GGA2: variants seen among roughly 807,000 people sequenced by gnomAD.
The protein encoded by GGA2 is golgi associated, gamma adaptin ear containing, ARF binding protein 2, also known as ADP-ribosylation factor-binding protein GGA2.
Under a neutral mutation model 79.5 loss-of-function variants are expected in GGA2, and 48 were observed. The ratio of observed to expected loss-of-function variants is 0.60; its 90% CI spans 0.48 to 0.77. The LOEUF is 0.77. Ranked by LOEUF, GGA2 falls within the 30% of genes least tolerant of loss-of-function variation. The pLI is 0.00. For missense variants in GGA2, 770 were observed against 774.0 expected (o/e 0.99, Z 0.06); for synonymous variants, 317 against 302.0 (o/e 1.05, Z -0.51).
At position 23,496,684 on chromosome 16, in the gene GGA2, C is replaced by G. The variant is rs369477294; in HGVS notation, c.92-906G>C. Among the ~76,000 whole-genome samples the G allele has an allele frequency of 1.1e-4, 16 of 151,974 alleles. No individual in the cohort carries two copies. In the East Asian group the frequency reaches 2.9e-3, roughly 28 times the overall value. ...AATTTTAAAAAATTAAGACCAGGCG[C>G]GATGGCTCACGCCTGTAATCCCAGC... On this transcript the variant is annotated intron_variant, in intron 1 of 16. Coordinates refer to ENST00000309859, the MANE Select transcript of GGA2 (RefSeq NM_015044.4).
At chr16:23,467,733 G>T in intron 16 of GGA2, 33 bp from the exon 17 acceptor site, 1 of 1,078,662 alleles carries the variant, frequency 9.3e-7, no homozygotes, top group Non-Finnish European at 1.4e-6. Context: ...TGTCAAATCA[G>T]TGGAGAGCAA....
rs1271788042 is a variant in GGA2, at chr16:23,470,057, G to A, written c.1559C>T (p.Thr520Ile). ...AGGCTGGGGAGCCGTGCTCATCATG[G>A]TCAAGAGCAGCACCTGTACCTCTGG... ...GHPEVQVLLL[T>I]MMSTAPQPVW... The change falls in exon 15 of 17, where the codon ACC becomes ATC. Residue 520 changes from threonine to isoleucine, a missense_variant. Transcript: ENST00000309859. 12 of 1,608,504 alleles carry A rather than the reference G, an allele frequency of 7.5e-6. No individual in the cohort carries two copies. Among genetic ancestry groups the A allele is most frequent in the Non-Finnish European group, 1.0e-5 (12 of 1,177,540 alleles).
intron 1 of GGA2, among the ~76,000 whole-genome samples, chr16:23,496,789 T>C (rs948871446): frequency 7.2e-5 from 11 of 152,006 alleles, no homozygotes; most frequent in African/African-American, 2.7e-4. Context: ...AAACCCTGTG[T>C]CTACTAAAAA....
At chr16:23,515,149 A>AATAT (rs771552621), upstream of GGA2, among the ~76,000 whole-genome samples, 1 of 149,998 alleles carries the variant, frequency 6.7e-6, no homozygotes, top group Non-Finnish European at 1.5e-5. Flanking sequence ...TAAAAGAGAT[A>AATAT]ATATATATAT....
intron 1 of GGA2, among the ~76,000 whole-genome samples, chr16:23,506,702 A>G (rs1964977072): frequency 1.3e-5 from 2 of 152,126 alleles, no homozygotes; most frequent in Admixed American, 1.3e-4. Flanking sequence ...GGGTGGGCCC[A>G]CTTCGGTTTG....
chr16:23,483,076 G>A (rs1036490284), intron 8 of GGA2, 72 bp from the exon 9 acceptor site: 7 of 942,998 alleles, frequency 7.4e-6, no homozygotes, highest in African/African-American at 1.6e-5. Flanking sequence ...GGCCCCAGGA[G>A]CCTTCGATCA....
At chr16:23,496,825 G>A (rs1003495894) in intron 1 of GGA2, among the ~76,000 whole-genome samples, 4 of 151,984 alleles carry the variant, frequency 2.6e-5, no homozygotes, top group Non-Finnish European at 4.4e-5. Context: ...GGGCGTGGTG[G>A]AGTGTTCCTG....
In GGA2 at chr16:23,464,933, G is replaced by A. The variant is rs1964415744; in HGVS notation, c.*2657C>T. 3 of 206,604 alleles carry A rather than the reference G, an allele frequency of 1.5e-5. No individual in the cohort carries two copies. Among genetic ancestry groups the A allele is most frequent in the Non-Finnish European group, 3.0e-5 (3 of 100,754 alleles). 12.8% of individuals were successfully genotyped at this position (206,604 alleles called of 1,614,324 possible). A position where few individuals can be genotyped will look rare whatever the true frequency, so the allele number is the denominator to read the frequency against. On this transcript the variant is annotated 3_prime_UTR_variant, in exon 17 of 17. Coordinates refer to ENST00000309859, the MANE Select transcript of GGA2 (RefSeq NM_015044.4). ...TGTGGACGGGAAAGTCCTGAGGATTGGACTCTGGAAAACCATCACACTTAA... is the reference window on the plus strand; with the variant it reads ...TGTGGACGGGAAAGTCCTGAGGATTAGACTCTGGAAAACCATCACACTTAA...
chr16:23,494,500 C>G (rs949480089), intron 2 of GGA2, 122 bp from the exon 3 acceptor site: 1 of 746,524 alleles, frequency 1.3e-6, no homozygotes, highest in Admixed American at 2.1e-5. Flanking sequence ...AGAGGTGGAG[C>G]GTGCCTGACA....
chr16:23,516,968 A>T (rs999447597), intron 2 of GGA2, among the ~76,000 whole-genome samples: 1 of 149,804 alleles, frequency 6.7e-6, no homozygotes, highest in African/African-American at 2.5e-5. Context: ...GAGGGTGGAG[A>T]GAGAGAAGGA....
Position 23,507,420 on chromosome 16 carries a change from G to A in GGA2, c.91+2901C>T, listed in dbSNP as rs555930364. Among the ~76,000 whole-genome samples the A allele has an allele frequency of 5.1e-4, 78 of 152,184 alleles. 1 individual carries two copies. Among genetic ancestry groups the A allele is most frequent in the Non-Finnish European group, 8.8e-4 (60 of 68,032 alleles). On this transcript the variant is annotated intron_variant, in intron 1 of 16. Transcript: ENST00000309859. ...AGACTGGCAGATAACTTGAGGTCAG[G>A]AGTTTGAGACCAGCCTGACAAACAT...
At chr16:23,472,832 A>G (rs1052577791) in intron 14 of GGA2, among the ~76,000 whole-genome samples, 1 of 152,078 alleles carries the variant, frequency 6.6e-6, no homozygotes, top group African/African-American at 2.4e-5. Context: ...CAAGAGATCG[A>G]GACCATCCTG....
At chr16:23,500,523 G>A (rs566410108) in intron 1 of GGA2, among the ~76,000 whole-genome samples, 2 of 151,926 alleles carry the variant, frequency 1.3e-5, no homozygotes, top group African/African-American at 4.8e-5. Flanking sequence ...AGCCCCAAGC[G>A]GGGCAGTGTG....
chr16:23,491,525 T>G, intron 5 of GGA2, 152 bp downstream of exon 5: 1 of 459,470 alleles, frequency 2.2e-6, no homozygotes, highest in East Asian at 3.3e-5. Flanking sequence ...AAAAGATTTA[T>G]TGCGTAAAAA....
intron 1 of GGA2, among the ~76,000 whole-genome samples, chr16:23,504,020 G>A (rs1052103729): frequency 2.0e-5 from 3 of 151,918 alleles, no homozygotes; most frequent in Non-Finnish European, 4.4e-5. Context: ...GACGGAGGTT[G>A]CGGTGAGCCA....
chr16:23,491,079 CAG>C (rs1245120777), intron 5 of GGA2, among the ~76,000 whole-genome samples: 1 of 151,576 alleles, frequency 6.6e-6, no homozygotes, highest in South Asian at 2.1e-4. Flanking sequence ...GAGACAGAGA[CAG>C]AGAGAGAGGA....
chr16:23,510,768 G>A (rs1188149455), upstream of GGA2, among the ~76,000 whole-genome samples: 2 of 152,218 alleles, frequency 1.3e-5, no homozygotes, highest in African/African-American at 4.8e-5. Flanking sequence ...GTCCAATGGC[G>A]CGATCACGGC....
chr16:23,489,464 CTCCTGGCCTCAAGTGAT>C (rs895668835), intron 5 of GGA2, among the ~76,000 whole-genome samples: 1 of 152,144 alleles, frequency 6.6e-6, no homozygotes, highest in Non-Finnish European at 1.5e-5. Flanking sequence ...TGGTCTCAAA[CTCCTGGCCTCAAGTGAT>C]TCCTCACCTC....
chr16:23,493,460 T>A lies in GGA2; in HGVS notation c.253-2A>T. The A allele has an allele frequency of 6.3e-7, 1 of 1,593,954 alleles. No individual in the cohort carries two copies. Among genetic ancestry groups the A allele is most frequent in the South Asian group, 1.1e-5 (1 of 90,642 alleles). On this transcript the variant is annotated splice_acceptor_variant, in intron 3 of 16. Transcript: ENST00000309859. LOFTEE classifies it high-confidence loss of function. ...GTGGTTCATGCACATCTCCAGCACC[T>A]GCACAGACACAGGACCCCCAGGAGA...
Sources: gnomAD v4.1 joint callset for allele counts (sites outside exome capture counted in the v4.1 genomes callset) on GRCh38, gnomAD v4.1.1 for gene constraint, MANE v1.5 for transcripts, NCBI Gene and HGNC (gene_info 2026-07-23, HGNC 2026-07-21) for gene names.